The following NDUFAF6 variants were observed in gnomAD, a reference collection of about 807,000 sequenced individuals.
NDUFAF6 encodes the protein NADH dehydrogenase (ubiquinone) complex I, assembly factor 6.
NDUFAF6 carries 45 observed loss-of-function variants against 40.8 expected under a neutral mutation model. The ratio of observed to expected loss-of-function variants is 1.10; its 90% CI spans 0.87 to 1.42. NDUFAF6 has a LOEUF of 1.42. Among genes scored for constraint, NDUFAF6 ranks in the 40% most tolerant of loss-of-function variants. The probability of loss-of-function intolerance (pLI) is 0.00; values close to 1 mark genes in which losing one functional copy is unlikely to be tolerated. For synonymous variants in NDUFAF6, 185 were observed against 155.9 expected (o/e 1.19, Z -1.39); for missense variants, 435 against 418.5 (o/e 1.04, Z -0.34).
intron 2 of NDUFAF6, among the ~76,000 whole-genome samples, chr8:95,083,697 C>A (rs1247676334): frequency 6.6e-6 from 1 of 152,192 alleles, no homozygotes; most frequent in Non-Finnish European, 1.5e-5. Context: ...ATTACAAGAT[C>A]TAGCAGCAGG....
chr8:95,086,909 T>C (rs1457585853), intron 2 of NDUFAF6, among the ~76,000 whole-genome samples: 3 of 152,120 alleles, frequency 2.0e-5, no homozygotes, highest in Non-Finnish European at 2.9e-5. Flanking sequence ...CGGCCCCTCT[T>C]GTCTCTTGAG....
chr8:94,924,281 C>CT (rs1186405631), intron 1 of NDUFAF6, among the ~76,000 whole-genome samples: 1 of 152,098 alleles, frequency 6.6e-6, no homozygotes, highest in East Asian at 1.9e-4. Flanking sequence ...AGGATGGTCT[C>CT]TATCTCCTGA....
At chr8:95,107,698 T>A (rs1320033699), downstream of NDUFAF6, among the ~76,000 whole-genome samples, 3 of 152,242 alleles carry the variant, frequency 2.0e-5, no homozygotes, top group Non-Finnish European at 2.9e-5. Context: ...AAAGCTATTA[T>A]TAAAAAGTGT....
intron 2 of NDUFAF6, among the ~76,000 whole-genome samples, chr8:94,982,582 A>G (rs924898003): frequency 2.0e-5 from 3 of 152,168 alleles, no homozygotes; most frequent in African/African-American, 7.2e-5. Context: ...CCCAACTCCT[A>G]TTTCTGATTC....
At chr8:94,976,686 T>A (rs1013129500) in intron 1 of NDUFAF6, among the ~76,000 whole-genome samples, 23 of 141,230 alleles carry the variant, frequency 1.6e-4, no homozygotes, top group Middle Eastern at 3.9e-3. Context: ...AAAAAAAAAA[T>A]ACTGATGTTT....
chr8:94,911,490 G>A (rs1406494019), intron 1 of NDUFAF6, among the ~76,000 whole-genome samples: 1 of 152,228 alleles, frequency 6.6e-6, no homozygotes, highest in East Asian at 1.9e-4. Context: ...CTCCGCTTCT[G>A]GTGTGTGTTC....
chr8:95,017,785 T>G (rs566935223), intron 2 of NDUFAF6, among the ~76,000 whole-genome samples: 12 of 152,312 alleles, frequency 7.9e-5, no homozygotes, highest in African/African-American at 2.9e-4. Context: ...TTTTTTGTTT[T>G]AACATCTAGC....
chr8:94,983,454 C>T (rs1362543788), intron 2 of NDUFAF6, among the ~76,000 whole-genome samples: 1 of 151,798 alleles, frequency 6.6e-6, no homozygotes, highest in Non-Finnish European at 1.5e-5. Flanking sequence ...TTAGTAGAGA[C>T]AAGTTTTCAG....
chr8:94,963,678 T>C (rs1249572491), intron 1 of NDUFAF6, among the ~76,000 whole-genome samples: 1 of 152,176 alleles, frequency 6.6e-6, no homozygotes, highest in Admixed American at 6.5e-5. Context: ...CAGAGCCAAC[T>C]TCAGGAAACT....
chr8:94,958,876 A>C (rs1217650263), intron 1 of NDUFAF6, among the ~76,000 whole-genome samples: 1 of 152,150 alleles, frequency 6.6e-6, no homozygotes, highest in Non-Finnish European at 1.5e-5. Flanking sequence ...GAGGCACACA[A>C]TTCAGCCCAT....
At chr8:95,041,128 A>G (rs1419945924) in intron 3 of NDUFAF6, among the ~76,000 whole-genome samples, 2 of 152,194 alleles carry the variant, frequency 1.3e-5, no homozygotes, top group Admixed American at 1.3e-4. Flanking sequence ...GCTCATGCCT[A>G]TAATACCAGC....
intron 8 of NDUFAF6, among the ~76,000 whole-genome samples, chr8:95,056,262 C>A (rs1832125198): frequency 6.7e-6 from 1 of 148,672 alleles, no homozygotes; most frequent in South Asian, 2.1e-4. Context: ...GGGTCTCTGT[C>A]ACCCAGGCTA....
At chr8:94,961,854 C>CG (rs2131482421) in intron 1 of NDUFAF6, among the ~76,000 whole-genome samples, 1 of 152,338 alleles carries the variant, frequency 6.6e-6, no homozygotes, top group East Asian at 1.9e-4. Flanking sequence ...TACTGGCCTT[C>CG]ATATTTTGCT....
intron 8 of NDUFAF6, among the ~76,000 whole-genome samples, chr8:95,056,247 A>C (rs1009250931): frequency 3.5e-5 from 5 of 141,986 alleles, no homozygotes; most frequent in Non-Finnish European, 6.1e-5. Context: ...TTTTTTTTTG[A>C]GATGGGGTCT....
upstream of NDUFAF6, among the ~76,000 whole-genome samples, chr8:95,020,199 CA>C (rs35752111): frequency 3.3e-5 from 5 of 151,456 alleles, no homozygotes. Context: ...AACTTTGTCT[CA>C]AAAAAACAAA....
intron 9 of NDUFAF6, among the ~76,000 whole-genome samples, chr8:95,072,437 T>A (rs1190072637): frequency 6.6e-6 from 1 of 152,226 alleles, no homozygotes; most frequent in East Asian, 1.9e-4. Context: ...ACAGAGCCCT[T>A]AGATGTCAAA....
chr8:95,087,376 G>A (rs879606991), intron 2 of NDUFAF6, among the ~76,000 whole-genome samples: 1 of 151,946 alleles, frequency 6.6e-6, no homozygotes, highest in Admixed American at 6.6e-5. Context: ...GGAGTAAGAG[G>A]CTCTGTTTCG....
chr8:95,032,179 A>T (rs1828933794), intron 2 of NDUFAF6, 85 bp downstream of exon 2: 2 of 1,161,516 alleles, frequency 1.7e-6, no homozygotes, highest in Admixed American at 3.5e-5. Context: ...ATATAGTTGT[A>T]ATTTATATGT....
chr8:95,031,670 G>A (rs1828859362), intron 1 of NDUFAF6, among the ~76,000 whole-genome samples: 1 of 152,152 alleles, frequency 6.6e-6, no homozygotes, highest in Non-Finnish European at 1.5e-5. Context: ...CGCAATCTGG[G>A]CTCACTGTGA....
Sources: gnomAD v4.1 joint callset for allele counts (sites outside exome capture counted in the v4.1 genomes callset) on GRCh38, gnomAD v4.1.1 for gene constraint, MANE v1.5 for transcripts, NCBI Gene and HGNC (gene_info 2026-07-23, HGNC 2026-07-21) for gene names.